PEAR1: variants seen among roughly 807,000 people sequenced by gnomAD.
The protein encoded by PEAR1 is multiple EGF-like domains protein 12.
PEAR1 carries 113 observed loss-of-function variants against 131.2 expected under a neutral mutation model. The observed-to-expected ratio is 0.86, with a 90% CI of 0.74 to 1.01. PEAR1 has a LOEUF of 1.01. Among genes scored for constraint, PEAR1 ranks in the 50% least tolerant of loss-of-function variants. The pLI is 0.00. For missense variants in PEAR1, 1,408 were observed against 1,391.1 expected, an observed-to-expected ratio of 1.01 and a Z score of -0.19; for synonymous variants, 565 against 523.3, an observed-to-expected ratio of 1.08 and a Z score of -1.09.
Position 156,909,024 on chromosome 1 carries a change from G to A in PEAR1, c.1399G>A (p.Val467Ile), listed in dbSNP as rs755243553. The change falls in exon 11 of 23, where the codon GTC becomes ATC. Residue 467 changes from valine to isoleucine, a missense_variant. Physicochemically the swap from Val to Ile is conservative, Grantham distance 29 (BLOSUM62 3). Coordinates refer to ENST00000292357, the MANE Select transcript of PEAR1 (RefSeq NM_001080471.3). ...CTGCTCACCCATCGACGGCGAGTGC[G>A]TCTGCAAGGAAGGTAATAGGGTGGA... is the stretch of plus-strand genomic sequence containing the variant. The part of the protein sequence containing the change: ...IACSPIDGEC[V>I]CKEGWQRGNC... The A allele has an allele frequency of 2.5e-6, 4 of 1,613,952 alleles. No individual in the cohort carries two copies. The highest frequency in any genetic ancestry group is 2.2e-5 in the East Asian group (1 of 44,888).
rs1362943394 is a variant in PEAR1, at chr1:156,904,766, G to T, written c.120G>T (p.Lys40Asn). 1 of 1,612,748 alleles carries T rather than the reference G, an allele frequency of 6.2e-7. No individual in the cohort carries two copies. The highest frequency in any genetic ancestry group is 8.5e-7 in the Non-Finnish European group (1 of 1,179,544). ...CTTGCAGCTTCACTACCACCACCAA[G>T]GAGTCCCACTCCCGCCCCTTCAGCC... ...SFWESFTTTT[K>N]ESHSRPFSLL... Residue 40 changes from lysine (K) to asparagine (N), a missense_variant, in exon 3 of 23, where the codon AAG becomes AAT. Transcript: ENST00000292357.
Position 156,914,058 on chromosome 1 carries a change from A to C in PEAR1, c.2920A>C (p.Arg974=), listed in dbSNP as rs1001292493. Residue 974 remains arginine (R), a synonymous_variant, in exon 22 of 23, where the codon AGA becomes CGA. Transcript: ENST00000292357. Reference sequence around the variant, plus strand: ...GAGGCGGCGGCAACCCCAGCCACAGAGAGACAGTGGCACCTACGAGCAGCC... The same window carrying C: ...GAGGCGGCGGCAACCCCAGCCACAGCGAGACAGTGGCACCTACGAGCAGCC... ...SQRRRQPQPQ[R]DSGTYEQPSP... 1 of 1,607,846 alleles carries C rather than the reference A, an allele frequency of 6.2e-7. No homozygotes were observed. The highest frequency in any genetic ancestry group is 1.3e-5 in the African/African-American group (1 of 74,706).
chr1:156,912,401 C>A, intron 16 of PEAR1, 26 bp downstream of exon 16: 1 of 1,607,736 alleles, frequency 6.2e-7, no homozygotes, highest in Non-Finnish European at 8.5e-7. Context: ...GAACTCCAGG[C>A]CCCTGCCTCC....
Position 156,905,378 on chromosome 1 carries a change from C to T in PEAR1, c.261C>T (p.Arg87=), listed in dbSNP as rs774807046. ...RQVVKTDHRQ[R]LQCCHGFYES... ...TGGTGAAGACGGACCACCGCCAGCG[C>T]CTGCAGTGCTGCCATGGCTTCTATG... Residue 87 remains arginine, a synonymous_variant, in exon 4 of 23, where the codon CGC becomes CGT. Transcript: ENST00000292357. 6 of 1,611,326 alleles carry T rather than the reference C, an allele frequency of 3.7e-6. No individual in the cohort carries two copies. The South Asian group carries it at 6.6e-5, about 18-fold the overall frequency.
At position 156,905,324 on chromosome 1, in the gene PEAR1, G is replaced by C; in HGVS notation, c.207G>C (p.Thr69=). The C allele has an allele frequency of 6.2e-7, 1 of 1,611,336 alleles. No homozygotes were observed. Among genetic ancestry groups the C allele is most frequent in the Non-Finnish European group, 8.5e-7 (1 of 1,179,620 alleles). ...AGGGCCGCCTTCCTGGCCTCCGCAG[G>C]GTTGTATACCGGACCGTGTACCGTC... ...WEGPHTCPQP[T]VVYRTVYRQV... The change falls in exon 4 of 23, where the codon ACG becomes ACC. Residue 69 remains threonine, a splice_region_variant and synonymous_variant. Coordinates refer to ENST00000292357, the MANE Select transcript of PEAR1 (RefSeq NM_001080471.3).
At position 156,915,010 on chromosome 1, in the gene PEAR1, C is replaced by A. The variant is rs1651738175; in HGVS notation, c.*212C>A. On this transcript the variant is annotated 3_prime_UTR_variant, in exon 23 of 23. Transcript: ENST00000292357. ...AGGATGCCTGGCTCCCTTTCCCAAC[C>A]CACTGCTCCCAAGGCCTCCAGGGCC... 1 of 556,248 alleles carries A rather than the reference C, an allele frequency of 1.8e-6. No homozygotes were observed. The highest frequency in any genetic ancestry group is 3.2e-5 in the East Asian group (1 of 30,948). 34.5% of individuals were successfully genotyped at this position (556,248 alleles called of 1,614,324 possible).
At chr1:156,910,928 CA>C (rs1650996348) in intron 15 of PEAR1, among the ~76,000 whole-genome samples, 185 bp downstream of exon 15, 1 of 152,174 alleles carries the variant, frequency 6.6e-6, no homozygotes, top group South Asian at 2.1e-4. Flanking sequence ...GTGAACAGGT[CA>C]GGGGGAAAAA....
At chr1:156,898,578 G>A (rs923110100) in intron 1 of PEAR1, among the ~76,000 whole-genome samples, 1 of 152,176 alleles carries the variant, frequency 6.6e-6, no homozygotes, top group Non-Finnish European at 1.5e-5. Flanking sequence ...GGAGGGAGGG[G>A]AGAAGTCTTT....
chr1:156,905,088 G>GT (rs1650109708), intron 3 of PEAR1: 1 of 1,348,170 alleles, frequency 7.4e-7, no homozygotes, highest in African/African-American at 1.5e-5. Flanking sequence ...GGGTTGGGGG[G>GT]GGGGCAAGAA....
chr1:156,909,346 G>T (rs1049533120), intron 11 of PEAR1, among the ~76,000 whole-genome samples: 1 of 152,218 alleles, frequency 6.6e-6, no homozygotes, highest in African/African-American at 2.4e-5. Flanking sequence ...ACATCTGCCA[G>T]AGTGACACAT....
Position 156,907,714 on chromosome 1 carries a change from G to T in PEAR1, c.749G>T (p.Cys250Phe). 6.2e-7 allele frequency: 1 copy of T among 1,610,790 alleles called. No individual in the cohort carries two copies. The highest frequency in any genetic ancestry group is 8.5e-7 in the Non-Finnish European group (1 of 1,178,168). The change falls in exon 7 of 23, where the codon TGC becomes TTC. Residue 250 changes from cysteine to phenylalanine, a missense_variant. By Grantham distance (205) the Cys-to-Phe change is radical. Coordinates refer to ENST00000292357, the MANE Select transcript of PEAR1 (RefSeq NM_001080471.3). ...VFQTPQGSCS[C>F]PPGWMGTICS... The stretch of plus-strand genomic sequence containing the variant: ...CAAACCCCACAGGGCTCCTGCAGCT[G>T]CCCCCCTGGCTGGATGGTATGGAGG...
rs1287210670 is a variant in PEAR1, at chr1:156,909,933, G to C, written c.1575+19G>C. ...CTGTCCGGTGAGTGCTGGACAGCCT[G>C]TCTGCCTGGGGGTGGGGAGGGCATG... On this transcript the variant is annotated intron_variant, in intron 12 of 22. Transcript: ENST00000292357. 5.0e-6 allele frequency: 8 copies of C among 1,611,348 alleles called. No individual in the cohort carries two copies. Among genetic ancestry groups the C allele is most frequent in the Non-Finnish European group, 6.8e-6 (8 of 1,178,858 alleles).
intron 1 of PEAR1, among the ~76,000 whole-genome samples, chr1:156,897,820 C>T (rs995061369): frequency 5.3e-5 from 8 of 152,162 alleles, no homozygotes; most frequent in African/African-American, 1.9e-4. Flanking sequence ...CATGTGGGGT[C>T]AGCGGCTGTC....
chr1:156,905,470 C>T lies in PEAR1; in HGVS notation c.307+46C>T, dbSNP rs775889446. On this transcript the variant is annotated intron_variant, in intron 4 of 22. Transcript: ENST00000292357. ...GGGAGCGGGGTGGGGCAATGGAATGCGGGGAGCTTAGCCTACTCTTCTGAG... is the reference window on the plus strand; with the variant it reads ...GGGAGCGGGGTGGGGCAATGGAATGTGGGGAGCTTAGCCTACTCTTCTGAG... 3.8e-5 allele frequency: 58 copies of T among 1,511,642 alleles called. No homozygotes were observed. In the South Asian group the frequency reaches 5.2e-4, roughly 14 times the overall value. The allele number at this position is 1,511,642 out of a possible 1,614,324, so 93.6% of individuals were successfully genotyped here. A position where few individuals can be genotyped will look rare whatever the true frequency, so the allele number is the denominator to read the frequency against.
chr1:156,907,116 G>A (rs1032039259), intron 6 of PEAR1, among the ~76,000 whole-genome samples: 3 of 152,210 alleles, frequency 2.0e-5, no homozygotes, highest in Admixed American at 1.3e-4. Flanking sequence ...CTACATGGCA[G>A]GGTGGCTGTG....
intron 15 of PEAR1, among the ~76,000 whole-genome samples, chr1:156,911,148 CTT>C (rs1218435361): frequency 8.5e-6 from 1 of 117,044 alleles, no homozygotes; most frequent in South Asian, 2.8e-4. Context: ...TCTTTTCTTT[CTT>C]TCTTTTTCTT....
chr1:156,901,394 G>C (rs531608077), intron 1 of PEAR1, among the ~76,000 whole-genome samples: 93 of 152,346 alleles, frequency 6.1e-4, no homozygotes, highest in African/African-American at 2.1e-3. Flanking sequence ...GACAGGACTT[G>C]GGTGGGTAGG....
In PEAR1 at chr1:156,913,471, G is replaced by T. The variant is rs56393520; in HGVS notation, c.2592G>T (p.Leu864=). ...GAQGHDNHTT[L]PADWKHRREP... ...AAGGGCATGATAACCACACCACCCT[G>T]CCTGCTGACTGGAAGCACCGCCGGG... is the stretch of plus-strand genomic sequence containing the variant. Residue 864 remains leucine (L), a synonymous_variant, in exon 20 of 23, where the codon CTG becomes CTT. Coordinates refer to ENST00000292357, the MANE Select transcript of PEAR1 (RefSeq NM_001080471.3). 8.5e-3 allele frequency: 13,636 copies of T among 1,613,466 alleles called. 1,001 individuals are homozygous for T. In the African/African-American group the frequency reaches 0.16, roughly 18 times the overall value.
rs747255226 is a variant in PEAR1, at chr1:156,909,023, C to A, written c.1398C>A (p.Cys466Ter). 23 of 1,613,988 alleles carry A rather than the reference C, an allele frequency of 1.4e-5. No homozygotes were observed. Among genetic ancestry groups the A allele is most frequent in the Non-Finnish European group, 1.9e-5 (23 of 1,180,012 alleles). Residue 466 changes from cysteine to a stop codon, truncating the protein, a stop_gained, in exon 11 of 23, where the codon TGC (cysteine) becomes TGA (stop). Transcript: ENST00000292357. LOFTEE classifies it high-confidence loss of function. ...AIACSPIDGECVCKEGWQRGN... is the reference protein window; with the variant it reads ...AIACSPIDGE ...CCTGCTCACCCATCGACGGCGAGTG[C>A]GTCTGCAAGGAAGGTAATAGGGTGG...
Sources: gnomAD v4.1 joint callset for allele counts (sites outside exome capture counted in the v4.1 genomes callset) on GRCh38, gnomAD v4.1.1 for gene constraint, MANE v1.5 for transcripts, NCBI Gene and HGNC (gene_info 2026-07-23, HGNC 2026-07-21) for gene names.